The following WDR44 variants were observed in gnomAD, a reference collection of about 807,000 sequenced individuals.
WDR44 encodes WD repeat domain 44.
WDR44 carries 9 observed loss-of-function variants against 65.7 expected under a neutral mutation model. That is an observed-to-expected ratio of 0.14 (90% CI 0.08 to 0.24). The LOEUF is 0.24. WDR44 is among the 10% of genes least tolerant of loss of function. The probability of loss-of-function intolerance (pLI) is 1.00; values close to 1 mark genes in which losing one functional copy is unlikely to be tolerated. For synonymous variants in WDR44, 220 were observed against 235.2 expected (o/e 0.94, Z 0.59); for missense variants, 425 against 670.9 (o/e 0.63, Z 4.05).
chrX:118,411,252 AATG>A (rs1166969119), intron 12 of WDR44, among the ~76,000 whole-genome samples: 2 of 111,485 alleles, frequency 1.8e-5, no homozygotes, highest in Admixed American at 9.6e-5. Flanking sequence ...TTTTTAAAAT[AATG>A]ATAATAGATA....
intron 8 of WDR44, among the ~76,000 whole-genome samples, chrX:118,398,901 C>G (rs1478567143): frequency 9.0e-6 from 1 of 110,653 alleles, no homozygotes; most frequent in African/African-American, 3.3e-5. Flanking sequence ...GCAAGACTCC[C>G]CCTCAAAAAA....
chrX:118,386,312 AGTATT>A (rs760199275), intron 2 of WDR44: 3 of 328,803 alleles, frequency 9.1e-6, no homozygotes, highest in East Asian at 9.0e-5. Context: ...GATTGAGAAG[AGTATT>A]GTATTGAGAT....
intron 1 of WDR44, among the ~76,000 whole-genome samples, chrX:118,375,567 G>A (rs1489433740): frequency 9.3e-6 from 1 of 107,170 alleles, no homozygotes; most frequent in African/African-American, 3.4e-5. Flanking sequence ...TTTAATATTT[G>A]TTGTTGTTTT....
chrX:118,443,660 C>T lies in WDR44; in HGVS notation c.2485C>T (p.Arg829Cys). The T allele has an allele frequency of 8.3e-7, 1 of 1,207,479 alleles. No homozygotes were observed. Among genetic ancestry groups the T allele is most frequent in the Non-Finnish European group, 1.1e-6 (1 of 893,182 alleles). The change falls in exon 18 of 20, where the codon CGT (arginine) becomes TGT (cysteine). Residue 829 changes from arginine to cysteine, a missense_variant. By Grantham distance (180) the Arg-to-Cys change is radical. Coordinates refer to ENST00000254029, the MANE Select transcript of WDR44 (RefSeq NM_019045.5). ...LSKFTSVRRD[R>C]NDFWEGIKAH... is the part of the protein sequence containing the mutation. ...CAAGTTTACTTCAGTCAGGAGAGAT[C>T]GTAATGACTTCTGGGAAGGTATTAA...
chrX:118,374,402 G>A (rs1219219500), intron 1 of WDR44, among the ~76,000 whole-genome samples: 1 of 111,468 alleles, frequency 9.0e-6, no homozygotes, highest in East Asian at 2.8e-4. Context: ...TGTCACAAAG[G>A]AATTCTACTC....
At chrX:118,402,850 T>G (rs1255272077) in intron 8 of WDR44, among the ~76,000 whole-genome samples, 1 of 112,553 alleles carries the variant, frequency 8.9e-6, no homozygotes, top group African/African-American at 3.2e-5. Context: ...CACAGATAAG[T>G]CTAGCTACAT....
intron 7 of WDR44, among the ~76,000 whole-genome samples, chrX:118,397,903 A>T (rs1224549200): frequency 8.9e-6 from 1 of 112,081 alleles, no homozygotes; most frequent in Non-Finnish European, 1.9e-5. Flanking sequence ...CTTTTCTTCA[A>T]TTTCTGAAGC....
rs1556124009 is a variant in WDR44 at position 118,424,281 on chromosome X, ATG to A, written c.1738-8488_1738-8487del. On this transcript the variant is annotated intron_variant, in intron 12 of 19. Transcript: ENST00000254029. ...CTTGTTATCTTATATATATATATATATGTGTGTGTGTGTATGTGTATATATAT... is the reference window on the plus strand; with the variant it reads ...CTTGTTATCTTATATATATATATATATGTGTGTGTGTATGTGTATATATAT... Among the ~76,000 whole-genome samples the A allele has an allele frequency of 8.6e-5, 8 of 92,736 alleles. No homozygotes were observed. The East Asian group carries it at 1.3e-3, about 15-fold the overall frequency. 80.5% of individuals were successfully genotyped at this position (92,736 alleles called of 115,157 possible).
chrX:118,385,657 TA>T (rs370670319), intron 2 of WDR44, among the ~76,000 whole-genome samples: 28 of 102,780 alleles, frequency 2.7e-4, no homozygotes, highest in Admixed American at 3.2e-4. Context: ...AACTTAAAGT[TA>T]AAAAAAAAAA....
chrX:118,356,145 G>A (rs891187437), intron 1 of WDR44, among the ~76,000 whole-genome samples: 4 of 112,066 alleles, frequency 3.6e-5, no homozygotes, highest in African/African-American at 1.3e-4. Flanking sequence ...CTTTTAAAAA[G>A]TTACTGTTTC....
chrX:118,447,898 ATATATATATATATATACTTG>A lies in WDR44; in HGVS notation c.2648-991_2648-972del, dbSNP rs1449876439. 2.9e-4 allele frequency among the ~76,000 whole-genome samples: 20 copies of A among 69,125 alleles called. No individual in the cohort carries two copies. The South Asian group carries it at 9.9e-3, about 34-fold the overall frequency. 60.0% of individuals were successfully genotyped at this position (69,125 alleles called of 115,157 possible). A position where few individuals can be genotyped will look rare whatever the true frequency, so the allele number is the denominator to read the frequency against. On this transcript the variant is annotated intron_variant, in intron 19 of 19. Transcript: ENST00000254029. ...AAAATATATATATATATATATATAT[ATATATATATATATATACTTG>A]TATGTGTAAAAGTGCCTAGCAAAAT...
At chrX:118,413,753 C>T (rs903203128) in intron 12 of WDR44, among the ~76,000 whole-genome samples, 5 of 111,783 alleles carry the variant, frequency 4.5e-5, no homozygotes, top group Admixed American at 9.5e-5. Flanking sequence ...GAAATCCTTG[C>T]CTAAGCCAAT....
Position 118,440,238 on chromosome X carries a change from A to G in WDR44, c.1975-1130A>G, listed in dbSNP as rs760323980. Among the ~76,000 whole-genome samples, 19 of 110,840 alleles carry G rather than the reference A, an allele frequency of 1.7e-4. 1 individual carries two copies. Among genetic ancestry groups the G allele is most frequent in the Non-Finnish European group, 3.4e-4 (18 of 52,911 alleles). Reference sequence around the variant, plus strand: ...ATTTCTCAATCCTAGTACTATTGACATTCTTTGTTACACGGGGGAGAGTAG... The same window carrying G: ...ATTTCTCAATCCTAGTACTATTGACGTTCTTTGTTACACGGGGGAGAGTAG... On this transcript the variant is annotated intron_variant, in intron 14 of 19. Coordinates refer to ENST00000254029, the MANE Select transcript of WDR44 (RefSeq NM_019045.5).
At chrX:118,368,128 A>G (rs1442261170) in intron 1 of WDR44, among the ~76,000 whole-genome samples, 2 of 111,534 alleles carry the variant, frequency 1.8e-5, no homozygotes, top group Non-Finnish European at 3.8e-5. Flanking sequence ...GAAGGTTACT[A>G]AAATGTTCCC....
intron 12 of WDR44, among the ~76,000 whole-genome samples, chrX:118,428,301 A>G (rs2057176747): frequency 9.2e-6 from 1 of 108,978 alleles, no homozygotes; most frequent in Non-Finnish European, 1.9e-5. Flanking sequence ...AAATAGTAAT[A>G]ATAATAATAA....
chrX:118,382,913 G>A (rs1188534888), intron 2 of WDR44, among the ~76,000 whole-genome samples: 1 of 112,039 alleles, frequency 8.9e-6, no homozygotes, highest in African/African-American at 3.2e-5. Context: ...ATCACCAGAA[G>A]TAGGTAATGG....
intron 7 of WDR44, 149 bp downstream of exon 7, chrX:118,397,255 T>C (rs930514647): frequency 1.1e-5 from 5 of 443,202 alleles, no homozygotes; most frequent in Non-Finnish European, 1.7e-5. Flanking sequence ...ATGTATTCTT[T>C]AACTTTGCTC....
At chrX:118,422,518 C>T (rs779836394) in intron 12 of WDR44, among the ~76,000 whole-genome samples, 4 of 110,001 alleles carry the variant, frequency 3.6e-5, no homozygotes, top group East Asian at 2.9e-4. Context: ...ATGGTGAAAC[C>T]CGGTCTCTAC....
intron 1 of WDR44, among the ~76,000 whole-genome samples, chrX:118,371,863 T>C (rs997549024): frequency 1.5e-4 from 17 of 111,370 alleles, no homozygotes; most frequent in African/African-American, 5.2e-4. Context: ...TTTAATAAAG[T>C]TATTTTATGT....
Sources: allele counts gnomAD v4.1 joint callset (sites outside exome capture counted in the v4.1 genomes callset), GRCh38; gene constraint gnomAD v4.1.1; transcripts MANE v1.5; gene names NCBI Gene and HGNC (gene_info 2026-07-23, HGNC 2026-07-21).